The following OR8D4 variants were observed in gnomAD, a reference collection of about 807,000 sequenced individuals.
The protein encoded by OR8D4 is olfactory receptor family 8 subfamily D member 4, also known as olfactory receptor 8D4.
For synonymous variants in OR8D4, 141 were observed against 134.8 expected (o/e 1.05, Z -0.32); for missense variants, 359 against 372.6 (o/e 0.96, Z 0.30).
At position 123,908,939 on chromosome 11, in the gene OR8D4, A is replaced by T. The variant is rs1863228124; in HGVS notation, c.*1563A>T. The T allele has an allele frequency of 6.6e-6, 1 of 152,194 alleles. No homozygotes were observed. Among genetic ancestry groups the T allele is most frequent in the Non-Finnish European group, 1.5e-5 (1 of 68,036 alleles). The allele number at this position is 152,194 out of a possible 1,614,324, so 9.4% of individuals were successfully genotyped here. ...ACTCTAGATCACTTAGGGAGTTTTA[A>T]TTCTATCCTAAGTACAATGAGAAGC... On this transcript the variant is annotated 3_prime_UTR_variant, in exon 2 of 2. Transcript: ENST00000641687.
chr11:123,905,103 A>G (rs1293555276), intron 1 of OR8D4, among the ~76,000 whole-genome samples: 1 of 152,162 alleles, frequency 6.6e-6, no homozygotes, highest in East Asian at 1.9e-4. Context: ...AGTGTGTTAT[A>G]TTGGACTCCA....
At chr11:123,903,505 T>C (rs1002120009) in intron 1 of OR8D4, among the ~76,000 whole-genome samples, 12 of 152,164 alleles carry the variant, frequency 7.9e-5, no homozygotes, top group Admixed American at 6.6e-4. Flanking sequence ...GTGAGATGCA[T>C]TGAAATGTTT....
At chr11:123,902,991 G>A (rs1188640933) in intron 1 of OR8D4, among the ~76,000 whole-genome samples, 1 of 151,960 alleles carries the variant, frequency 6.6e-6, no homozygotes, top group Non-Finnish European at 1.5e-5. Flanking sequence ...GTTGGCCTGT[G>A]TGTCTGTGGG....
In OR8D4 at chr11:123,907,340, AC is replaced by A; in HGVS notation, c.910del (p.Leu304PhefsTer2). ...NNEVRNALMK[L>X]LRRKISLSPG Reference sequence around the variant, plus strand: ...ATGAAGTAAGAAATGCTCTGATGAAACTTTTAAGAAGAAAAATATCTTTATC... The same window carrying A: ...ATGAAGTAAGAAATGCTCTGATGAAATTTTAAGAAGAAAAATATCTTTATC... On this transcript the variant is annotated frameshift_variant, in exon 2 of 2. Coordinates refer to ENST00000641687, the MANE Select transcript of OR8D4 (RefSeq NM_001005197.2). LOFTEE classifies it low-confidence loss of function (END_TRUNC). 6.9e-7 allele frequency: 1 copy of A among 1,457,498 alleles called. No individual in the cohort carries two copies. The highest frequency in any genetic ancestry group is 9.4e-7 in the Non-Finnish European group (1 of 1,058,542). The allele number at this position is 1,457,498 out of a possible 1,614,324, so 90.3% of individuals were successfully genotyped here. A position where few individuals can be genotyped will look rare whatever the true frequency, so the allele number is the denominator to read the frequency against.
chr11:123,906,158 G>C (rs1863196534), intron 1 of OR8D4: 1 of 346,492 alleles, frequency 2.9e-6, no homozygotes, highest in Non-Finnish European at 5.2e-6. Context: ...TTAAGCATTA[G>C]TTTTGTCTCT....
At position 123,908,411 on chromosome 11, in the gene OR8D4, T is replaced by C. The variant is rs1863223489; in HGVS notation, c.*1035T>C. On this transcript the variant is annotated 3_prime_UTR_variant, in exon 2 of 2. Coordinates refer to ENST00000641687, the MANE Select transcript of OR8D4 (RefSeq NM_001005197.2). ...TTGAGATAAAGATAATGAAAAAGCT[T>C]ATGATTTTTAAGAATGAACCTATAC... 6.6e-6 allele frequency: 1 copy of C among 152,164 alleles called. No individual in the cohort carries two copies. Among genetic ancestry groups the C allele is most frequent in the African/African-American group, 2.4e-5 (1 of 41,436 alleles). The allele number at this position is 152,164 out of a possible 1,614,324, so 9.4% of individuals were successfully genotyped here.
chr11:123,902,209 G>T lies in OR8D4; in HGVS notation c.-64G>T, dbSNP rs1279122566. On this transcript the variant is annotated 5_prime_UTR_variant, in exon 1 of 2. It adds an upstream start codon to the 5' untranslated region. Transcript: ENST00000641687. The stretch of plus-strand genomic sequence containing the variant: ...TCCATCTCTACTCCTGAAGTGATGA[G>T]GTTAGGAGAAAGAAGAGATACTCAC... The T allele has an allele frequency of 6.6e-6, 1 of 152,170 alleles. No homozygotes were observed. The highest frequency in any genetic ancestry group is 2.4e-5 in the African/African-American group (1 of 41,448). 9.4% of individuals were successfully genotyped at this position (152,170 alleles called of 1,614,324 possible).
rs1236498598 is a variant in OR8D4 at position 123,908,594 on chromosome 11, G to A, written c.*1218G>A. 4 of 152,006 alleles carry A rather than the reference G, an allele frequency of 2.6e-5. No individual in the cohort carries two copies. Among genetic ancestry groups the A allele is most frequent in the Admixed American group, 1.3e-4 (2 of 15,256 alleles). 9.4% of individuals were successfully genotyped at this position (152,006 alleles called of 1,614,324 possible). A position where few individuals can be genotyped will look rare whatever the true frequency, so the allele number is the denominator to read the frequency against. On this transcript the variant is annotated 3_prime_UTR_variant, in exon 2 of 2. Coordinates refer to ENST00000641687, the MANE Select transcript of OR8D4 (RefSeq NM_001005197.2). ...ACAAGGTATCTCTTTACTTTTAGGG[G>A]GTGAAAAAGATGATAGATAATACAG...
At position 123,906,948 on chromosome 11, in the gene OR8D4, A is replaced by G. The variant is rs962889133; in HGVS notation, c.517A>G (p.Ile173Val). The change falls in exon 2 of 2, where the codon ATC becomes GTC. Residue 173 changes from isoleucine to valine, a missense_variant. Physicochemically the swap from Ile to Val is conservative, Grantham distance 29. Coordinates refer to ENST00000641687, the MANE Select transcript of OR8D4 (RefSeq NM_001005197.2). The part of the protein sequence containing the change: ...ILRLSFCGSN[I>V]IKHYFCDIVP... ...CAGGTTGTCTTTCTGTGGATCAAAC[A>G]TCATTAAACATTATTTCTGTGACAT... The G allele has an allele frequency of 2.5e-6, 4 of 1,614,098 alleles. No homozygotes were observed. Among genetic ancestry groups the G allele is most frequent in the Non-Finnish European group, 3.4e-6 (4 of 1,179,974 alleles).
At position 123,906,979 on chromosome 11, in the gene OR8D4, C is replaced by T. The variant is rs751189941; in HGVS notation, c.548C>T (p.Pro183Leu). Reference protein sequence around the residue: ...IIKHYFCDIVPLIKLSCSSTY... With the variant: ...IIKHYFCDIVLLIKLSCSSTY... Reference sequence around the variant, plus strand: ...AAACATTATTTCTGTGACATTGTCCCTCTTATTAAACTCTCCTGCTCCAGC... The same window carrying T: ...AAACATTATTTCTGTGACATTGTCCTTCTTATTAAACTCTCCTGCTCCAGC... Residue 183 changes from proline to leucine, a missense_variant, in exon 2 of 2, where the codon CCT (proline) becomes CTT (leucine). Coordinates refer to ENST00000641687, the MANE Select transcript of OR8D4 (RefSeq NM_001005197.2). 3.1e-6 allele frequency: 5 copies of T among 1,614,054 alleles called. No homozygotes were observed. Among genetic ancestry groups the T allele is most frequent in the East Asian group, 2.2e-5 (1 of 44,862 alleles).
In OR8D4 at chr11:123,908,708, A is replaced by G. The variant is rs976374048; in HGVS notation, c.*1332A>G. 6.6e-6 allele frequency: 1 copy of G among 152,220 alleles called. No homozygotes were observed. Among genetic ancestry groups the G allele is most frequent in the African/African-American group, 2.4e-5 (1 of 41,472 alleles). The allele number at this position is 152,220 out of a possible 1,614,324, so 9.4% of individuals were successfully genotyped here. A position where few individuals can be genotyped will look rare whatever the true frequency, so the allele number is the denominator to read the frequency against. On this transcript the variant is annotated 3_prime_UTR_variant, in exon 2 of 2. Transcript: ENST00000641687. ...TTCAGTGGTTCAAATTCTACTCTCA[A>G]TAGAGCTCTTTGAAGAAAGGACATT... is the stretch of plus-strand genomic sequence containing the variant.
In OR8D4 at chr11:123,906,809, C is replaced by A. The variant is rs1863205351; in HGVS notation, c.378C>A (p.Ile126=). 2.5e-6 allele frequency: 4 copies of A among 1,613,898 alleles called. No individual in the cohort carries two copies. The highest frequency in any genetic ancestry group is 1.7e-5 in the Admixed American group (1 of 59,992). The change falls in exon 2 of 2, where the codon ATC becomes ATA. Residue 126 remains isoleucine (I), a synonymous_variant. Transcript: ENST00000641687. ...TGGCCTGCGATCGCTACGTGGCCATCTGCAGCCCACTGCTCTACAGGGTCA... is the reference window on the plus strand; with the variant it reads ...TGGCCTGCGATCGCTACGTGGCCATATGCAGCCCACTGCTCTACAGGGTCA... ...AAMACDRYVA[I]CSPLLYRVIM...
At position 123,908,443 on chromosome 11, in the gene OR8D4, C is replaced by A. The variant is rs1166350217; in HGVS notation, c.*1067C>A. On this transcript the variant is annotated 3_prime_UTR_variant, in exon 2 of 2. Coordinates refer to ENST00000641687, the MANE Select transcript of OR8D4 (RefSeq NM_001005197.2). ...TTTAAGAATGAACCTATACAGTGAA[C>A]CAAGATAGTATGCTGTATGGGGAAT... is the stretch of plus-strand genomic sequence containing the variant. 24 of 152,052 alleles carry A rather than the reference C, an allele frequency of 1.6e-4. No homozygotes were observed. Among genetic ancestry groups the A allele is most frequent in the Admixed American group, 1.6e-3 (24 of 15,248 alleles). 9.4% of individuals were successfully genotyped at this position (152,052 alleles called of 1,614,324 possible). A position where few individuals can be genotyped will look rare whatever the true frequency, so the allele number is the denominator to read the frequency against.
rs1193965185 is a variant in OR8D4, at chr11:123,908,673, T to G, written c.*1297T>G. 1 of 152,134 alleles carries G rather than the reference T, an allele frequency of 6.6e-6. No individual in the cohort carries two copies. The highest frequency in any genetic ancestry group is 2.4e-5 in the African/African-American group (1 of 41,436). 9.4% of individuals were successfully genotyped at this position (152,134 alleles called of 1,614,324 possible). A position where few individuals can be genotyped will look rare whatever the true frequency, so the allele number is the denominator to read the frequency against. ...AGATAAGTCCTTTGGAAAAAATGAG[T>G]TATGTAATTTTCAGTGGTTCAAATT... On this transcript the variant is annotated 3_prime_UTR_variant, in exon 2 of 2. Coordinates refer to ENST00000641687, the MANE Select transcript of OR8D4 (RefSeq NM_001005197.2).
In OR8D4 at chr11:123,907,203, A is replaced by C. The variant is rs771963445; in HGVS notation, c.772A>C (p.Met258Leu). The change falls in exon 2 of 2, where the codon ATG becomes CTG. Residue 258 changes from methionine to leucine, a missense_variant. Met to Leu is a conservative substitution (Grantham distance 15). Coordinates refer to ENST00000641687, the MANE Select transcript of OR8D4 (RefSeq NM_001005197.2). Reference protein sequence around the residue: ...VLMFYGSLMSMYLKPASSSSL... With the variant: ...VLMFYGSLMSLYLKPASSSSL... Reference sequence around the variant, plus strand: ...TATGTTTTATGGGTCTCTGATGTCCATGTATCTCAAACCTGCTTCTAGCAG... The same window carrying C: ...TATGTTTTATGGGTCTCTGATGTCCCTGTATCTCAAACCTGCTTCTAGCAG... 35 of 1,613,766 alleles carry C rather than the reference A, an allele frequency of 2.2e-5. No homozygotes were observed. Among genetic ancestry groups the C allele is most frequent in the Middle Eastern group, 1.6e-4 (1 of 6,078 alleles).
Position 123,907,384 on chromosome 11 carries a change from C to G in OR8D4, c.*8C>G, listed in dbSNP as rs772534563. 1 of 1,040,630 alleles carries G rather than the reference C, an allele frequency of 9.6e-7. No individual in the cohort carries two copies. The highest frequency in any genetic ancestry group is 1.4e-6 in the Non-Finnish European group (1 of 697,290). 64.5% of individuals were successfully genotyped at this position (1,040,630 alleles called of 1,614,324 possible). ...TCTTTATCTCCAGGATAAATATGCT[C>G]TTTATTAAGATCTATTTCTGTATTC... On this transcript the variant is annotated 3_prime_UTR_variant, in exon 2 of 2. Transcript: ENST00000641687.
intron 1 of OR8D4, chr11:123,906,016 T>C (rs1863195543): frequency 5.9e-6 from 1 of 168,670 alleles, no homozygotes; most frequent in African/African-American, 2.4e-5. Flanking sequence ...TTCTGCTGAG[T>C]AGCTCGTTGT....
In OR8D4 at chr11:123,906,561, A is replaced by T. The variant is rs61734934; in HGVS notation, c.130A>T (p.Ser44Cys). Residue 44 changes from serine (S) to cysteine (C), a missense_variant, in exon 2 of 2, where the codon AGC becomes TGC. Ser to Cys is a moderately radical substitution (Grantham distance 112, BLOSUM62 -1). Coordinates refer to ENST00000641687, the MANE Select transcript of OR8D4 (RefSeq NM_001005197.2). ...CACAGTTACTGTGGTGGGAAACCTC[A>T]GCATGATCTCAATTATTAGGCTGAA... ...IYTVTVVGNLSMISIIRLNRQ... is the reference protein window; with the variant it reads ...IYTVTVVGNLCMISIIRLNRQ... 4.3e-6 allele frequency: 7 copies of T among 1,613,916 alleles called. 1 individual carries two copies. The South Asian group carries it at 7.7e-5, about 18-fold the overall frequency.
rs1477005997 is a variant in OR8D4 at position 123,908,975 on chromosome 11, T to C, written c.*1599T>C. 1.3e-5 allele frequency: 2 copies of C among 152,160 alleles called. No homozygotes were observed. The highest frequency in any genetic ancestry group is 2.9e-5 in the Non-Finnish European group (2 of 68,022). 9.4% of individuals were successfully genotyped at this position (152,160 alleles called of 1,614,324 possible). A position where few individuals can be genotyped will look rare whatever the true frequency, so the allele number is the denominator to read the frequency against. ...AGTACAATGAGAAGCAATTGGAATG[T>C]TTCAAAAGCAGAGCGATGTAATCTG... is the stretch of plus-strand genomic sequence containing the variant. On this transcript the variant is annotated 3_prime_UTR_variant, in exon 2 of 2. Transcript: ENST00000641687.
Sources: allele counts gnomAD v4.1 joint callset (sites outside exome capture counted in the v4.1 genomes callset), GRCh38; gene constraint gnomAD v4.1.1; transcripts MANE v1.5; gene names NCBI Gene and HGNC (gene_info 2026-07-23, HGNC 2026-07-21).